Variants in CDH13 observed in about 807,000 individuals in gnomAD.
CDH13 encodes the protein cadherin-13.
A neutral mutation model predicts 63.8 loss-of-function variants in CDH13; 24 were observed. The observed-to-expected ratio is 0.38, with a 90% CI of 0.27 to 0.53. The LOEUF (loss-of-function observed/expected upper bound fraction) is 0.53. Ranked by LOEUF, CDH13 falls within the 20% of genes least tolerant of loss-of-function variation. The probability of loss-of-function intolerance (pLI) is 0.85; values close to 1 mark genes in which losing one functional copy is unlikely to be tolerated. For missense variants in CDH13, 1,049 were observed against 903.1 expected (o/e 1.16, Z -2.07); for synonymous variants, 503 against 355.3 (o/e 1.42, Z -4.67).
intron 1 of CDH13, among the ~76,000 whole-genome samples, chr16:82,694,905 C>T (rs1365127299): frequency 6.6e-6 from 1 of 152,058 alleles, no homozygotes; most frequent in Non-Finnish European, 1.5e-5. Flanking sequence ...CTGAGCATAA[C>T]AGATGGAACT....
intron 8 of CDH13, among the ~76,000 whole-genome samples, chr16:83,608,417 A>T (rs1908548011): frequency 6.6e-6 from 1 of 152,170 alleles, no homozygotes; most frequent in Admixed American, 6.5e-5. Context: ...CAATTTCTAA[A>T]AGTCAGTGTG....
intron 7 of CDH13, among the ~76,000 whole-genome samples, chr16:83,602,107 C>CAAAAAAAAAAAAAAAAAAAAAAAA (rs869202510): frequency 6.3e-4 from 5 of 7,960 alleles, no homozygotes; most frequent in Admixed American, 2.6e-3. Flanking sequence ...AGAACAACAA[C>CAAAAAAAAAAAAAAAAAAAAAAAA]AAAAAAAAAA....
intron 4 of CDH13, among the ~76,000 whole-genome samples, chr16:83,132,659 T>C (rs1432189869): frequency 6.6e-6 from 1 of 152,034 alleles, no homozygotes; most frequent in Non-Finnish European, 1.5e-5. Flanking sequence ...TTGGCCAGAC[T>C]CATCTGGATC....
Position 82,887,854 on chromosome 16 carries a change from G to C in CDH13, c.157+29381G>C, listed in dbSNP as rs148407014. Among the ~76,000 whole-genome samples the C allele has an allele frequency of 2.7e-3, 413 of 152,066 alleles. 2 individuals carry two copies. Among genetic ancestry groups the C allele is most frequent in the African/African-American group, 8.9e-3 (369 of 41,486 alleles). On this transcript the variant is annotated intron_variant, in intron 2 of 13. Coordinates refer to ENST00000567109, the MANE Select transcript of CDH13 (RefSeq NM_001257.5). ...AAAAGAAAGGAGAAGAGTGTCTCAA[G>C]GGTTTTTTTTTCCAGCAGGTGAACC... is the stretch of plus-strand genomic sequence containing the variant.
chr16:82,717,262 C>T (rs2032437025), intron 1 of CDH13, among the ~76,000 whole-genome samples: 1 of 151,820 alleles, frequency 6.6e-6, no homozygotes, highest in African/African-American at 2.4e-5. Flanking sequence ...TGGTGAAATC[C>T]CATCTCTACT....
intron 3 of CDH13, among the ~76,000 whole-genome samples, chr16:83,077,379 T>C (rs2151554609): frequency 6.6e-6 from 1 of 151,660 alleles, no homozygotes; most frequent in African/African-American, 2.4e-5. Flanking sequence ...TTTTACTAGA[T>C]CTATGGTTTT....
rs368939635 is a variant in CDH13, at chr16:83,764,991, C to G, written c.1682-14977C>G. 8.7e-4 allele frequency among the ~76,000 whole-genome samples: 132 copies of G among 152,348 alleles called. 1 individual carries two copies. In the South Asian group the frequency reaches 0.026, roughly 30 times the overall value. On this transcript the variant is annotated intron_variant, in intron 11 of 13. Coordinates refer to ENST00000567109, the MANE Select transcript of CDH13 (RefSeq NM_001257.5). The stretch of plus-strand genomic sequence containing the variant: ...CCTACAACAACCTTCATCCTCTCTA[C>G]AAGGTATTCTCATTTCTAGCACACT...
chr16:82,845,655 T>G (rs1791373840), intron 1 of CDH13, among the ~76,000 whole-genome samples: 1 of 152,214 alleles, frequency 6.6e-6, no homozygotes, highest in African/African-American at 2.4e-5. Flanking sequence ...TTTTCTCATT[T>G]GAACTCCCTG....
chr16:82,647,543 C>G (rs1489732979), intron 1 of CDH13, among the ~76,000 whole-genome samples: 2 of 152,148 alleles, frequency 1.3e-5, no homozygotes, highest in Admixed American at 6.5e-5. Context: ...CCCCTGGGAA[C>G]CTTTGAGAAT....
chr16:83,772,710 A>G (rs937504801), intron 11 of CDH13: 1 of 152,180 alleles, frequency 6.6e-6, no homozygotes, highest in Admixed American at 6.5e-5. Flanking sequence ...TGACATGACC[A>G]TTCTTATCAT....
chr16:83,039,167 C>A (rs1228664829), intron 3 of CDH13, among the ~76,000 whole-genome samples: 2 of 152,226 alleles, frequency 1.3e-5, no homozygotes, highest in Non-Finnish European at 2.9e-5. Flanking sequence ...GATCCAGCTT[C>A]ACTGCTCCCA....
intron 6 of CDH13, among the ~76,000 whole-genome samples, chr16:83,463,210 G>A (rs2073224121): frequency 6.6e-6 from 1 of 152,198 alleles, no homozygotes; most frequent in Non-Finnish European, 1.5e-5. Flanking sequence ...AGGGACCAAG[G>A]CCCAGGCGTC....
intron 3 of CDH13, among the ~76,000 whole-genome samples, chr16:83,077,181 C>CTTTTTTTTTT (rs1160572033): frequency 5.4e-5 from 5 of 93,456 alleles, no homozygotes; most frequent in African/African-American, 1.3e-4. Flanking sequence ...TCTTTTTTTT[C>CTTTTTTTTTT]TTTTCTTTTT....
At chr16:83,033,198 C>T (rs932159265) in intron 3 of CDH13, among the ~76,000 whole-genome samples, 2 of 152,194 alleles carry the variant, frequency 1.3e-5, no homozygotes, top group South Asian at 2.1e-4. Context: ...GCCCAACCTA[C>T]TCATGCTCCT....
chr16:82,641,524 G>T lies in CDH13; in HGVS notation c.45+14387G>T, dbSNP rs111789437. Among the ~76,000 whole-genome samples, 1,222 of 152,236 alleles carry T rather than the reference G, an allele frequency of 8.0e-3. 7 individuals are homozygous for T. Among genetic ancestry groups the T allele is most frequent in the Non-Finnish European group, 0.013 (864 of 68,018 alleles). On this transcript the variant is annotated intron_variant, in intron 1 of 13. Coordinates refer to ENST00000567109, the MANE Select transcript of CDH13 (RefSeq NM_001257.5). ...CAGATATTCTCTTTCCCACTAGATG[G>T]TACCAGTATGCCAAAGCCCTAGAAT...
At chr16:83,330,399 T>A (rs2090455894) in intron 5 of CDH13, among the ~76,000 whole-genome samples, 1 of 152,166 alleles carries the variant, frequency 6.6e-6, no homozygotes, top group Non-Finnish European at 1.5e-5. Context: ...GAATAAAAAA[T>A]GATCTCAAAA....
rs74927501 is a variant in CDH13, at chr16:83,170,426, C to T, written c.483+44925C>T. On this transcript the variant is annotated intron_variant, in intron 4 of 13. Transcript: ENST00000567109. ...ACAGGGTTCCCAAACTGGAAGATGA[C>T]AACATAGGAGAAGCTTCCAGTTTTC... Among the ~76,000 whole-genome samples, 799 of 152,126 alleles carry T rather than the reference C, an allele frequency of 5.3e-3. 26 individuals are homozygous for T. In the East Asian group the frequency reaches 0.094, roughly 18 times the overall value.
chr16:83,141,289 T>C (rs556209206), intron 4 of CDH13, among the ~76,000 whole-genome samples: 9 of 152,248 alleles, frequency 5.9e-5, no homozygotes, highest in African/African-American at 2.2e-4. Context: ...TCTGGTGCCC[T>C]TTTGCCTACA....
At position 83,052,993 on chromosome 16, in the gene CDH13, A is replaced by G. The variant is rs1416734602; in HGVS notation, c.366+20775A>G. On this transcript the variant is annotated intron_variant, in intron 3 of 13. Coordinates refer to ENST00000567109, the MANE Select transcript of CDH13 (RefSeq NM_001257.5). The stretch of plus-strand genomic sequence containing the variant: ...GTGAAAGAGGCAATGCAGTGAGACC[A>G]TAAGCCTTGTGGTTTGGGACACATT... Among the ~76,000 whole-genome samples, 7 of 152,266 alleles carry G rather than the reference A, an allele frequency of 4.6e-5. No individual in the cohort carries two copies. The South Asian group carries it at 1.2e-3, about 27-fold the overall frequency.
Sources: allele counts gnomAD v4.1 joint callset (sites outside exome capture counted in the v4.1 genomes callset), GRCh38; gene constraint gnomAD v4.1.1; transcripts MANE v1.5; gene names NCBI Gene and HGNC (gene_info 2026-07-23, HGNC 2026-07-21).